SYNE2: variants seen among roughly 807,000 people sequenced by gnomAD.
The protein encoded by SYNE2 is spectrin repeat containing nuclear envelope protein 2, also known as nesprin-2.
In SYNE2, 431 loss-of-function variants were observed where a neutral mutation model predicts 856.3. The ratio of observed to expected loss-of-function variants is 0.50; its 90% CI spans 0.47 to 0.55. SYNE2 has a LOEUF of 0.55. SYNE2 is among the 20% of genes least tolerant of loss of function. The probability of loss-of-function intolerance (pLI) is 0.00; values close to 1 mark genes in which losing one functional copy is unlikely to be tolerated. For synonymous variants in SYNE2, 2,923 were observed against 2,872.3 expected (o/e 1.02, Z -0.56); for missense variants, 8,129 against 8,023.2 (o/e 1.01, Z -0.50).
At chr14:64,062,529 C>T (rs893827098) in intron 49 of SYNE2, among the ~76,000 whole-genome samples, 5 of 152,106 alleles carry the variant, frequency 3.3e-5, no homozygotes, top group African/African-American at 9.7e-5. Flanking sequence ...TTTTAGAGGA[C>T]GGCCCTTGCT....
At chr14:63,955,064 C>G in intron 8 of SYNE2, 149 bp downstream of exon 8, 5 of 694,562 alleles carry the variant, frequency 7.2e-6, no homozygotes, top group Non-Finnish European at 1.2e-5. Context: ...TTGATGCAAT[C>G]AAACAATTCC....
At chr14:64,165,492 G>C in intron 90 of SYNE2, 82 bp downstream of exon 90, 3 of 1,463,322 alleles carry the variant, frequency 2.1e-6, no homozygotes, top group Non-Finnish European at 1.9e-6. Context: ...TGAACTTATG[G>C]AATGCTTGCA....
intron 1 of SYNE2, among the ~76,000 whole-genome samples, chr14:63,867,719 AAAAGAATG>A (rs3057824): frequency 0.4 from 61,081 of 151,156 alleles, 14,205 homozygotes; most frequent in South Asian, 0.55. Flanking sequence ...AAAAAGAATA[AAAAGAATG>A]AAAGAATGAA....
chr14:63,930,035 A>C (rs529351400), intron 2 of SYNE2, among the ~76,000 whole-genome samples: 3 of 152,274 alleles, frequency 2.0e-5, no homozygotes, highest in African/African-American at 4.8e-5. Context: ...CTGTAATCCT[A>C]GTGCTTTGAG....
intron 112 of SYNE2, among the ~76,000 whole-genome samples, chr14:64,221,910 G>A (rs531783648): frequency 3.3e-5 from 5 of 152,176 alleles, no homozygotes; most frequent in African/African-American, 1.2e-4. Flanking sequence ...TTGCAGGAAT[G>A]GAGAGCCACA....
At chr14:64,224,941 A>G (rs757950698) in intron 114 of SYNE2, 58 bp from the exon 115 acceptor site, 6 of 1,405,168 alleles carry the variant, frequency 4.3e-6, no homozygotes, top group South Asian at 1.2e-5. Flanking sequence ...TTTTTTTTTT[A>G]TCATTGATAG....
At chr14:63,848,464 G>A (rs887386211), upstream of SYNE2, 4 of 152,130 alleles carry the variant, frequency 2.6e-5, no homozygotes, top group South Asian at 2.1e-4. Context: ...AAATGTTAAT[G>A]TCTCTTATTT....
intron 67 of SYNE2, among the ~76,000 whole-genome samples, chr14:64,119,905 A>G (rs1380443974): frequency 6.6e-6 from 1 of 152,182 alleles, no homozygotes; most frequent in Non-Finnish European, 1.5e-5. Context: ...TTCTTCGTAA[A>G]AGAAGGATGT....
At chr14:63,983,608 T>G in intron 17 of SYNE2, 129 bp from the exon 18 acceptor site, 1 of 780,568 alleles carries the variant, frequency 1.3e-6, no homozygotes, top group Non-Finnish European at 2.1e-6. Flanking sequence ...AATGCTCATA[T>G]TTTATAACAC....
chr14:63,838,768 C>T (rs1889946895), intron 1 of SYNE2, among the ~76,000 whole-genome samples: 1 of 152,166 alleles, frequency 6.6e-6, no homozygotes, highest in Admixed American at 6.6e-5. Flanking sequence ...CTCAGCCTCC[C>T]AAAGTGCTGG....
chr14:63,924,388 G>GA (rs900675343), intron 2 of SYNE2, among the ~76,000 whole-genome samples: 277 of 147,520 alleles, frequency 1.9e-3, no homozygotes, highest in Middle Eastern at 6.9e-3. Context: ...GTCCAATTCT[G>GA]AAAAAAAAAA....
Position 64,165,394 on chromosome 14 carries a change from A to G in SYNE2, c.16589A>G (p.Asn5530Ser), listed in dbSNP as rs1040531942. 4.3e-6 allele frequency: 7 copies of G among 1,613,854 alleles called. No individual in the cohort carries two copies. ...AGACTTCACCAACAGGAAAAAGAAA[A>G]TCCTGACTCATTCCTGGTATTGCCA... ...LDRLHQQEKENPDSFLNHVLA... is the reference protein window; with the variant it reads ...LDRLHQQEKESPDSFLNHVLA... The change falls in exon 90 of 116, where the codon AAT becomes AGT. Residue 5530 changes from asparagine to serine, a missense_variant. Physicochemically the swap from Asn to Ser is conservative, Grantham distance 46 (BLOSUM62 1). Around this residue, in one of 3 missense-constraint regions of SYNE2, gnomAD observed 5,410 missense variants for 5,284.8 expected, o/e 1.02. Transcript: ENST00000555002.
chr14:63,967,666 GA>G (rs1566932494), intron 10 of SYNE2, 42 bp from the exon 11 acceptor site: 1 of 1,591,122 alleles, frequency 6.3e-7, no homozygotes. Context: ...GATATAAATG[GA>G]ATTAAACATT....
chr14:63,852,539 C>A (rs1455646610), upstream of SYNE2, among the ~76,000 whole-genome samples: 1 of 152,112 alleles, frequency 6.6e-6, no homozygotes, highest in Non-Finnish European at 1.5e-5. Context: ...AAATACGGAT[C>A]CAGATTTTAA....
At chr14:64,131,349 T>G (rs2098018558) in intron 76 of SYNE2, among the ~76,000 whole-genome samples, 1 of 152,220 alleles carries the variant, frequency 6.6e-6, no homozygotes, top group African/African-American at 2.4e-5. Context: ...GCCTTCCTCT[T>G]GAAAGGTTCT....
rs1420086027 is a variant in SYNE2, at chr14:64,026,858, C to T, written c.6404+128C>T. 36 of 1,114,626 alleles carry T rather than the reference C, an allele frequency of 3.2e-5. No individual in the cohort carries two copies. The Middle Eastern group carries it at 8.0e-4, about 25-fold the overall frequency. 69.0% of individuals were successfully genotyped at this position (1,114,626 alleles called of 1,614,324 possible). A position where few individuals can be genotyped will look rare whatever the true frequency, so the allele number is the denominator to read the frequency against. On this transcript the variant is annotated intron_variant, in intron 42 of 115. Coordinates refer to ENST00000555002, the MANE Select transcript of SYNE2 (RefSeq NM_182914.3). The stretch of plus-strand genomic sequence containing the variant: ...GAGAGAAAGTTGGTAATGTCAGGGA[C>T]ATCCACAGTGTCAAGAGACAGAAAC...
chr14:63,798,334 C>A (rs1888000975), intron 1 of SYNE2, among the ~76,000 whole-genome samples: 1 of 151,970 alleles, frequency 6.6e-6, no homozygotes, highest in African/African-American at 2.4e-5. Flanking sequence ...ACAGGTGTGA[C>A]CCTCTGCATC....
chr14:63,834,290 G>A (rs769686568), intron 1 of SYNE2, among the ~76,000 whole-genome samples: 10 of 152,076 alleles, frequency 6.6e-5, no homozygotes, highest in Non-Finnish European at 1.5e-5. Context: ...TTGATTCCGG[G>A]AGGCAGAGGT....
chr14:64,149,680 A>C (rs894206088), intron 84 of SYNE2, among the ~76,000 whole-genome samples: 1 of 152,236 alleles, frequency 6.6e-6, no homozygotes, highest in Non-Finnish European at 1.5e-5. Context: ...GAATTTAGAT[A>C]TTTTAAAAAT....
Sources: allele counts gnomAD v4.1 joint callset (sites outside exome capture counted in the v4.1 genomes callset), GRCh38; gene constraint gnomAD v4.1.1; regional missense constraint gnomAD v4.1.1; transcripts MANE v1.5; gene names NCBI Gene and HGNC (gene_info 2026-07-23, HGNC 2026-07-21).